PTPRG: variants seen among roughly 807,000 people sequenced by gnomAD.
The protein encoded by PTPRG is protein tyrosine phosphatase receptor type G.
A neutral mutation model predicts 165.3 loss-of-function variants in PTPRG; 102 were observed. That is an observed-to-expected ratio of 0.62 (90% CI 0.53 to 0.73). The LOEUF is 0.73. PTPRG is among the 30% of genes least tolerant of loss of function. PTPRG has a pLI of 0.00. For missense variants in PTPRG, 1,866 were observed against 1,861.4 expected (o/e 1.00, Z -0.05); for synonymous variants, 675 against 669.5 (o/e 1.01, Z -0.13).
chr3:62,187,070 C>T (rs1358311970), intron 8 of PTPRG, among the ~76,000 whole-genome samples: 3 of 152,240 alleles, frequency 2.0e-5, no homozygotes, highest in Admixed American at 6.5e-5. Context: ...GAGCCCACTA[C>T]GTGCCAGGCA....
chr3:61,594,653 G>C (rs1700651068), intron 1 of PTPRG, among the ~76,000 whole-genome samples: 1 of 152,122 alleles, frequency 6.6e-6, no homozygotes, highest in South Asian at 2.1e-4. Flanking sequence ...TATTTATTAG[G>C]TGTGTACTTT....
At chr3:61,984,099 A>T (rs909834030) in intron 2 of PTPRG, among the ~76,000 whole-genome samples, 2 of 152,266 alleles carry the variant, frequency 1.3e-5, no homozygotes, top group East Asian at 1.9e-4. Flanking sequence ...TTAATCTCCA[A>T]TTGTGTGATT....
chr3:62,160,120 C>T (rs1704691977), intron 7 of PTPRG, among the ~76,000 whole-genome samples: 1 of 152,226 alleles, frequency 6.6e-6, no homozygotes, highest in South Asian at 2.1e-4. Flanking sequence ...TCTCTGTATT[C>T]TCTCTTTTCT....
chr3:61,906,464 A>AG (rs1341996340), intron 2 of PTPRG, among the ~76,000 whole-genome samples: 4 of 151,536 alleles, frequency 2.6e-5, no homozygotes, highest in Non-Finnish European at 5.9e-5. Flanking sequence ...TGAAAAAAAA[A>AG]GGAAAAAAAA....
intron 4 of PTPRG, among the ~76,000 whole-genome samples, chr3:62,021,059 T>G (rs2041677553): frequency 6.6e-6 from 1 of 152,166 alleles, no homozygotes; most frequent in Non-Finnish European, 1.5e-5. Context: ...ACTGTGTGAG[T>G]ACGACTCTGG....
chr3:61,962,972 T>G (rs1189368730), intron 2 of PTPRG, among the ~76,000 whole-genome samples: 1 of 152,210 alleles, frequency 6.6e-6, no homozygotes, highest in Non-Finnish European at 1.5e-5. Context: ...AAAAGGTATA[T>G]GCAGAGAAGT....
At chr3:62,002,952 T>TTAAA (rs1277796730) in intron 3 of PTPRG, among the ~76,000 whole-genome samples, 7 of 152,212 alleles carry the variant, frequency 4.6e-5, no homozygotes, top group African/African-American at 1.7e-4. Flanking sequence ...GTTCCAGACC[T>TTAAA]TGAATCTTGG....
intron 2 of PTPRG, among the ~76,000 whole-genome samples, chr3:61,873,721 C>T (rs1016059505): frequency 4.5e-4 from 69 of 152,004 alleles, no homozygotes; most frequent in Admixed American, 1.9e-3. Context: ...TTTTTATTTA[C>T]TTTTTACCAT....
intron 4 of PTPRG, among the ~76,000 whole-genome samples, chr3:62,010,077 C>T (rs191357189): frequency 8.0e-4 from 122 of 152,164 alleles, no homozygotes; most frequent in Non-Finnish European, 8.4e-4. Flanking sequence ...ACCACCGTGC[C>T]CAGCTAATGT....
At chr3:61,808,314 G>A (rs573602999) in intron 2 of PTPRG, among the ~76,000 whole-genome samples, 1 of 152,190 alleles carries the variant, frequency 6.6e-6, no homozygotes, top group African/African-American at 2.4e-5. Flanking sequence ...TTAAGATGTG[G>A]AGTGAACTGG....
chr3:62,267,657 T>C, intron 18 of PTPRG, 28 bp from the exon 19 acceptor site: 1 of 1,600,940 alleles, frequency 6.2e-7, no homozygotes, highest in Non-Finnish European at 8.5e-7. Flanking sequence ...ACTGCTTTCA[T>C]CTCACTTTGT....
At chr3:61,887,909 A>T (rs1399372650) in intron 2 of PTPRG, among the ~76,000 whole-genome samples, 1 of 152,190 alleles carries the variant, frequency 6.6e-6, no homozygotes, top group African/African-American at 2.4e-5. Context: ...CTAATTTTTC[A>T]CAGGGACAAC....
At chr3:61,707,028 A>AG (rs2031299239) in intron 1 of PTPRG, among the ~76,000 whole-genome samples, 1 of 152,032 alleles carries the variant, frequency 6.6e-6, no homozygotes, top group Non-Finnish European at 1.5e-5. Flanking sequence ...TTTCTACTTA[A>AG]TATCTCTTAG....
chr3:61,753,977 C>G (rs976967981), intron 2 of PTPRG, among the ~76,000 whole-genome samples: 2 of 152,132 alleles, frequency 1.3e-5, no homozygotes, highest in Non-Finnish European at 2.9e-5. Flanking sequence ...TCTTCCCTTC[C>G]TCTGCTTTTT....
chr3:61,926,605 CTCCCTCCTTCCT>C (rs1360707781), intron 2 of PTPRG, among the ~76,000 whole-genome samples: 3 of 128,244 alleles, frequency 2.3e-5, no homozygotes, highest in African/African-American at 1.1e-4. Flanking sequence ...CCCTCCCTCC[CTCCCTCCTTCCT>C]TCCTTCCTTC....
In PTPRG at chr3:62,078,160, C is replaced by T; in HGVS notation, c.520-3C>T. On this transcript the variant is annotated splice_region_variant and splice_polypyrimidine_tract_variant and intron_variant, in intron 4 of 29. Coordinates refer to ENST00000474889, the MANE Select transcript of PTPRG (RefSeq NM_002841.4). ...TAATACATTTTTTTAATTGTTCTTA[C>T]AGATGCAGATTTTCTTTTACAATCC... 2 of 1,577,080 alleles carry T rather than the reference C, an allele frequency of 1.3e-6. No individual in the cohort carries two copies. Among genetic ancestry groups the T allele is most frequent in the Admixed American group, 1.8e-5 (1 of 56,338 alleles).
intron 4 of PTPRG, among the ~76,000 whole-genome samples, chr3:62,075,054 A>G (rs1701338765): frequency 6.6e-6 from 1 of 152,230 alleles, no homozygotes; most frequent in African/African-American, 2.4e-5. Context: ...AAAAATAGAT[A>G]TTTCAGACCT....
rs148441396 is a variant in PTPRG at position 62,160,598 on chromosome 3, T to C, written c.840+3374T>C. On this transcript the variant is annotated intron_variant, in intron 7 of 29. Coordinates refer to ENST00000474889, the MANE Select transcript of PTPRG (RefSeq NM_002841.4). ...ATGGTTGCAGGCAACATATTCATGA[T>C]CAGTCATAGAAGATGATTAGCTTTC... 7.8e-3 allele frequency among the ~76,000 whole-genome samples: 1,182 copies of C among 152,370 alleles called. 17 individuals carry two copies. Among genetic ancestry groups the C allele is most frequent in the African/African-American group, 0.027 (1,134 of 41,586 alleles).
intron 4 of PTPRG, among the ~76,000 whole-genome samples, chr3:62,037,612 G>A (rs183842300): frequency 6.6e-6 from 1 of 152,164 alleles, no homozygotes; most frequent in Non-Finnish European, 1.5e-5. Flanking sequence ...TTCATCAATA[G>A]TCAAATTTCA....
Sources: allele counts gnomAD v4.1 joint callset (sites outside exome capture counted in the v4.1 genomes callset), GRCh38; gene constraint gnomAD v4.1.1; transcripts MANE v1.5; gene names NCBI Gene and HGNC (gene_info 2026-07-23, HGNC 2026-07-21).